SEC31A: variants seen among roughly 807,000 people sequenced by gnomAD.
SEC31A encodes protein transport protein Sec31A.
A neutral mutation model predicts 151.0 loss-of-function variants in SEC31A; 70 were observed. The ratio of observed to expected loss-of-function variants is 0.46; its 90% CI spans 0.38 to 0.57. SEC31A has a LOEUF of 0.57. SEC31A is among the 20% of genes least tolerant of loss of function. The probability of loss-of-function intolerance (pLI) is 0.00; values close to 1 mark genes in which losing one functional copy is unlikely to be tolerated. For synonymous variants in SEC31A, 475 were observed against 505.9 expected (o/e 0.94, Z 0.82); for missense variants, 1,330 against 1,471.2 (o/e 0.90, Z 1.57).
At chr4:82,869,130 T>G (rs1736064507) in intron 8 of SEC31A, among the ~76,000 whole-genome samples, 1 of 152,022 alleles carries the variant, frequency 6.6e-6, no homozygotes, top group African/African-American at 2.4e-5. Flanking sequence ...TTTATTTATT[T>G]ATTTTTTGAG....
chr4:82,871,533 T>A, intron 7 of SEC31A: 1 of 815,462 alleles, frequency 1.2e-6, no homozygotes, highest in Non-Finnish European at 1.9e-6. Context: ...CCCAGCACTT[T>A]GGGAGGCAAA....
chr4:82,896,486 G>A (rs1422862895), intron 3 of SEC31A, among the ~76,000 whole-genome samples: 2 of 152,176 alleles, frequency 1.3e-5, no homozygotes, highest in Non-Finnish European at 2.9e-5. Flanking sequence ...TCAAAGTGCT[G>A]GGATTACAGG....
At chr4:82,893,009 G>A (rs957212946), upstream of SEC31A, 3 of 152,214 alleles carry the variant, frequency 2.0e-5, no homozygotes, top group East Asian at 5.8e-4. Context: ...CTCACTAGAA[G>A]AATGTTTGGA....
rs538544324 is a variant in SEC31A at position 82,898,357 on chromosome 4, GA to G, written c.-2+1355del. On this transcript the variant is annotated intron_variant, in intron 3 of 28. Transcript: ENST00000355196. ...TGTAAAGATACAAAAATACAACTAA[GA>G]AAAAAAAATTCCATCTATAAAGGAT... 4.5e-3 allele frequency among the ~76,000 whole-genome samples: 680 copies of G among 151,454 alleles called. 4 individuals carry two copies. The highest frequency in any genetic ancestry group is 8.0e-3 in the Non-Finnish European group (543 of 67,832).
intron 22 of SEC31A, among the ~76,000 whole-genome samples, chr4:82,839,492 G>A (rs1187539001): frequency 3.3e-5 from 5 of 152,150 alleles, no homozygotes; most frequent in Non-Finnish European, 7.4e-5. Flanking sequence ...TCGCCACATC[G>A]GCCAGGCTGG....
intron 1 of SEC31A, among the ~76,000 whole-genome samples, chr4:82,885,006 G>A (rs1279425905): frequency 6.6e-6 from 1 of 152,118 alleles, no homozygotes; most frequent in African/African-American, 2.4e-5. Context: ...GTTATTTGGT[G>A]CATATCCATA....
upstream of SEC31A, among the ~76,000 whole-genome samples, chr4:82,896,044 G>GA (rs987140147): frequency 2.0e-5 from 3 of 152,076 alleles, no homozygotes; most frequent in South Asian, 2.1e-4. Context: ...CTATAATTGG[G>GA]AAAAAAACTC....
chr4:82,827,796 C>G (rs1560584036), intron 23 of SEC31A, among the ~76,000 whole-genome samples, 164 bp from the exon 24 acceptor site: 7 of 151,946 alleles, frequency 4.6e-5, no homozygotes, highest in Admixed American at 3.3e-4. Flanking sequence ...ATAAAGTAAA[C>G]AAAGTAAAAC....
At position 82,819,034 on chromosome 4, in the gene SEC31A, T is replaced by C. The variant is rs749331098; in HGVS notation, c.*40A>G. ...AATTTTTTTTTTTAACATGTTTCTT[T>C]GGAAAAATGGCAATATTGAGTGGAA... On this transcript the variant is annotated 3_prime_UTR_variant, in exon 27 of 27. Transcript: ENST00000395310. 2.6e-6 allele frequency: 4 copies of C among 1,534,978 alleles called. No individual in the cohort carries two copies. Among genetic ancestry groups the C allele is most frequent in the East Asian group, 2.3e-5 (1 of 43,964 alleles).
chr4:82,848,769 A>C, intron 20 of SEC31A, 35 bp downstream of exon 20: 2 of 1,556,384 alleles, frequency 1.3e-6, no homozygotes, highest in Non-Finnish European at 1.7e-6. Context: ...AGAAATACAA[A>C]AGTGTTCCTA....
chr4:82,841,972 A>AC (rs201224885), intron 22 of SEC31A, among the ~76,000 whole-genome samples, 168 bp downstream of exon 22: 1 of 146,614 alleles, frequency 6.8e-6, no homozygotes. Context: ...ACTCCATCAC[A>AC]AAAAAAAAAA....
At chr4:82,891,857 A>G (rs1310668903), upstream of SEC31A, among the ~76,000 whole-genome samples, 1 of 152,208 alleles carries the variant, frequency 6.6e-6, no homozygotes, top group Admixed American at 6.5e-5. Context: ...GTGTACTTTT[A>G]GTTTAGGGAG....
At chr4:82,889,069 G>C (rs1321030809) in intron 1 of SEC31A, among the ~76,000 whole-genome samples, 3 of 152,132 alleles carry the variant, frequency 2.0e-5, no homozygotes, top group Non-Finnish European at 4.4e-5. Context: ...ATTGTTTAGA[G>C]GATTTATTTA....
intron 23 of SEC31A, 26 bp downstream of exon 23, chr4:82,828,974 A>G (rs755801845): frequency 1.3e-6 from 2 of 1,599,850 alleles, no homozygotes; most frequent in Non-Finnish European, 1.7e-6. Flanking sequence ...TCTGTAGGCC[A>G]TTGGATGGAC....
rs1294616687 is a variant in SEC31A, at chr4:82,844,475, T to G, written c.2537A>C (p.His846Pro). The G allele has an allele frequency of 6.2e-7, 1 of 1,613,858 alleles. No homozygotes were observed. The highest frequency in any genetic ancestry group is 1.7e-5 in the Admixed American group (1 of 60,012). Reference protein sequence around the residue: ...ENPPPPGFIMHGNVNPNAAGQ... With the variant: ...ENPPPPGFIMPGNVNPNAAGQ... The stretch of plus-strand genomic sequence containing the variant: ...AGCAGCATTTGGATTAACATTTCCA[T>G]GCATTATGAAACCCGGAGGTGGAGG... Residue 846 changes from histidine (H) to proline (P), a missense_variant, in exon 21 of 27, where the codon CAT becomes CCT. Physicochemically the swap from His to Pro is moderately conservative, Grantham distance 77 (BLOSUM62 -2). Transcript: ENST00000395310.
upstream of SEC31A, chr4:82,894,055 T>C (rs1263004793): frequency 6.6e-6 from 1 of 152,170 alleles, no homozygotes; most frequent in African/African-American, 2.4e-5. Flanking sequence ...AGGAACATTG[T>C]TGTGGTGAAG....
intron 1 of SEC31A, among the ~76,000 whole-genome samples, chr4:82,888,894 T>C (rs17354364): frequency 0.029 from 4,449 of 152,222 alleles, 106 homozygotes; most frequent in Non-Finnish European, 0.05. Context: ...AACCTTGCAA[T>C]GCTATATACA....
intron 24 of SEC31A, among the ~76,000 whole-genome samples, chr4:82,824,964 T>C (rs1194766044): frequency 6.6e-6 from 1 of 152,192 alleles, no homozygotes; most frequent in Non-Finnish European, 1.5e-5. Flanking sequence ...TTATAACTGA[T>C]GGGAAATAAG....
intron 25 of SEC31A, among the ~76,000 whole-genome samples, chr4:82,823,458 G>A (rs989257876): frequency 7.9e-5 from 12 of 152,338 alleles, no homozygotes; most frequent in East Asian, 3.9e-4. Context: ...GATACTTTCA[G>A]TACAGAGAAT....
Sources: allele counts gnomAD v4.1 joint callset (sites outside exome capture counted in the v4.1 genomes callset), GRCh38; gene constraint gnomAD v4.1.1; transcripts MANE v1.5; gene names NCBI Gene and HGNC (gene_info 2026-07-23, HGNC 2026-07-21).